Variants in SNTB2 observed in about 807,000 individuals in gnomAD.
The protein encoded by SNTB2 is syntrophin beta 2.
In SNTB2, 34 loss-of-function variants were observed where a neutral mutation model predicts 46.2. The ratio of observed to expected loss-of-function variants is 0.74; its 90% CI spans 0.56 to 0.98. The LOEUF (loss-of-function observed/expected upper bound fraction) is 0.98. Ranked by LOEUF, SNTB2 falls within the 50% of genes least tolerant of loss-of-function variation. The pLI is 0.00. For missense variants in SNTB2, 603 were observed against 731.4 expected, an observed-to-expected ratio of 0.82 and a Z score of 2.02; for synonymous variants, 290 against 312.6, an observed-to-expected ratio of 0.93 and a Z score of 0.76.
chr16:69,234,344 A>G (rs1442109676), intron 1 of SNTB2, among the ~76,000 whole-genome samples: 1 of 152,212 alleles, frequency 6.6e-6, no homozygotes, highest in Non-Finnish European at 1.5e-5. Context: ...CAAGAACCCA[A>G]AAAACTAAGT....
chr16:69,230,361 C>CT lies in SNTB2; in HGVS notation c.581-15229dup, dbSNP rs1282321000. 909 of 144,650 alleles carry CT rather than the reference C, an allele frequency of 6.3e-3. 9 individuals are homozygous for CT. Among genetic ancestry groups the CT allele is most frequent in the African/African-American group, 0.017 (684 of 39,794 alleles). 9.0% of individuals were successfully genotyped at this position (144,650 alleles called of 1,614,324 possible). On this transcript the variant is annotated intron_variant, in intron 1 of 6. Transcript: ENST00000336278. Reference sequence around the variant, plus strand: ...ACCCTTAATTTTATAGTATATGAGTCTTTTTTTTTTTTCTTTTTGAGACGG... The same window carrying CT: ...ACCCTTAATTTTATAGTATATGAGTCTTTTTTTTTTTTTCTTTTTGAGACGG...
At chr16:69,192,759 AAAAAC>A (rs1486708857) in intron 1 of SNTB2, among the ~76,000 whole-genome samples, 2 of 152,200 alleles carry the variant, frequency 1.3e-5, no homozygotes, top group Non-Finnish European at 1.5e-5. Flanking sequence ...ATTTTAGTGT[AAAAAC>A]AAAACTCGTG....
intron 4 of SNTB2, among the ~76,000 whole-genome samples, chr16:69,281,496 T>TTG (rs943952731): frequency 3.1e-4 from 43 of 136,660 alleles, no homozygotes; most frequent in Admixed American, 1.5e-3. Flanking sequence ...TTTTTTTTTT[T>TTG]TTGTTTTTTT....
chr16:69,209,206 C>G (rs537507987), intron 1 of SNTB2, among the ~76,000 whole-genome samples: 24 of 152,278 alleles, frequency 1.6e-4, no homozygotes, highest in African/African-American at 5.8e-4. Context: ...CTCCTGACCT[C>G]ATGATCCGCC....
chr16:69,279,846 TTAATTAA>T (rs1346012579), intron 4 of SNTB2, among the ~76,000 whole-genome samples: 3 of 147,140 alleles, frequency 2.0e-5, no homozygotes, highest in East Asian at 4.0e-4. Context: ...CCCATTTTTT[TTAATTAA>T]TTAATTAATT....
At chr16:69,211,553 A>G (rs543372511) in intron 1 of SNTB2, among the ~76,000 whole-genome samples, 18 of 150,960 alleles carry the variant, frequency 1.2e-4, no homozygotes, top group South Asian at 4.2e-4. Flanking sequence ...AAAAAAAAAA[A>G]GGGAAAGAAA....
chr16:69,278,889 AGTGTGTGTGTGTGTGTGT>A (rs71148981), intron 4 of SNTB2, among the ~76,000 whole-genome samples: 24 of 140,912 alleles, frequency 1.7e-4, no homozygotes, highest in East Asian at 8.4e-4. Context: ...AGGTGGGAAG[AGTGTGTGTGTGTGTGTGT>A]GTGTGTGTGT....
At chr16:69,242,972 G>A (rs1230638675) in intron 1 of SNTB2, among the ~76,000 whole-genome samples, 1 of 146,758 alleles carries the variant, frequency 6.8e-6, no homozygotes, top group East Asian at 2.1e-4. Flanking sequence ...AGTGAGCTGA[G>A]ATTGTGCCAC....
At chr16:69,202,053 G>C (rs1252124438) in intron 1 of SNTB2, among the ~76,000 whole-genome samples, 2 of 152,050 alleles carry the variant, frequency 1.3e-5, no homozygotes, top group East Asian at 3.8e-4. Context: ...GCCATTACCT[G>C]AGTGTCTGTG....
chr16:69,225,810 C>T (rs1417211689), intron 1 of SNTB2, among the ~76,000 whole-genome samples: 1 of 152,198 alleles, frequency 6.6e-6, no homozygotes, highest in Non-Finnish European at 1.5e-5. Context: ...CTCTGTCACC[C>T]AGGCTGGAGT....
At chr16:69,257,697 G>A (rs1046580815) in intron 2 of SNTB2, among the ~76,000 whole-genome samples, 1 of 152,016 alleles carries the variant, frequency 6.6e-6, no homozygotes, top group Non-Finnish European at 1.5e-5. Flanking sequence ...CACCTGCCTC[G>A]GCCTCCCAAA....
intron 1 of SNTB2, among the ~76,000 whole-genome samples, chr16:69,214,972 T>C (rs147081616): frequency 0.023 from 3,496 of 151,818 alleles, 135 homozygotes; most frequent in African/African-American, 0.08. Context: ...GCCTCCCAGG[T>C]AGCTGGGATT....
At chr16:69,292,416 TATTATATATATATATATATTA>T (rs1965178498) in intron 5 of SNTB2, among the ~76,000 whole-genome samples, 3 of 17,298 alleles carry the variant, frequency 1.7e-4, no homozygotes, top group East Asian at 1.0e-3. Context: ...ATTATATATA[TATTATATATATATATATATTA>T]TATATATATA....
chr16:69,240,210 CA>C (rs1403885946), intron 1 of SNTB2, among the ~76,000 whole-genome samples: 1 of 152,162 alleles, frequency 6.6e-6, no homozygotes, highest in African/African-American at 2.4e-5. Context: ...ATGCCTAAAA[CA>C]GTTCCTGGTA....
At chr16:69,214,204 C>G (rs770019262) in intron 1 of SNTB2, among the ~76,000 whole-genome samples, 16 of 149,762 alleles carry the variant, frequency 1.1e-4, no homozygotes, top group Middle Eastern at 3.4e-3. Flanking sequence ...GATCTCGGCT[C>G]ACTGCAACCT....
chr16:69,285,922 A>G (rs990680853), intron 5 of SNTB2, among the ~76,000 whole-genome samples: 1 of 152,184 alleles, frequency 6.6e-6, no homozygotes, highest in Admixed American at 6.5e-5. Context: ...CCTTCTGAAT[A>G]GCTGGGATTA....
chr16:69,217,243 G>T (rs939958233), intron 1 of SNTB2, among the ~76,000 whole-genome samples: 1 of 152,086 alleles, frequency 6.6e-6, no homozygotes, highest in Non-Finnish European at 1.5e-5. Context: ...GGAGGCCGAG[G>T]TGGGCAGATT....
At chr16:69,281,665 A>G (rs1178342519) in intron 4 of SNTB2, among the ~76,000 whole-genome samples, 3 of 151,596 alleles carry the variant, frequency 2.0e-5, no homozygotes, top group Non-Finnish European at 2.9e-5. Context: ...CAACATGGTA[A>G]AACCCTGTCT....
chr16:69,219,687 C>A (rs750820488), intron 1 of SNTB2, among the ~76,000 whole-genome samples: 1 of 152,022 alleles, frequency 6.6e-6, no homozygotes, highest in Non-Finnish European at 1.5e-5. Context: ...ATAGTTTGTA[C>A]GCAATAGTCA....
Sources: gnomAD v4.1 joint callset for allele counts (sites outside exome capture counted in the v4.1 genomes callset) on GRCh38, gnomAD v4.1.1 for gene constraint, MANE v1.5 for transcripts, NCBI Gene and HGNC (gene_info 2026-07-23, HGNC 2026-07-21) for gene names.